The following TNIP3 variants were observed in gnomAD, a reference collection of about 807,000 sequenced individuals.
TNIP3 encodes the protein TNFAIP3-interacting protein 3.
A neutral mutation model predicts 54.1 loss-of-function variants in TNIP3; 34 were observed. That is an observed-to-expected ratio of 0.63 (90% confidence interval 0.48 to 0.84). TNIP3 has a LOEUF of 0.84. Among genes scored for constraint, TNIP3 ranks in the 40% least tolerant of loss-of-function variants. TNIP3 has a pLI of 0.00. For missense variants in TNIP3, 366 were observed against 387.6 expected (o/e 0.94, Z 0.47); for synonymous variants, 134 against 136.8 (o/e 0.98, Z 0.14).
intron 8 of TNIP3, 101 bp downstream of exon 8, chr4:121,142,625 T>G (rs1287447366): frequency 4.7e-6 from 5 of 1,073,746 alleles, no homozygotes; most frequent in Non-Finnish European, 7.0e-6. Flanking sequence ...CATGGGTTGT[T>G]GTAGGTCACC....
chr4:121,213,725 T>A (rs1343014931), intron 2 of TNIP3, among the ~76,000 whole-genome samples: 21 of 118,624 alleles, frequency 1.8e-4, no homozygotes, highest in Non-Finnish European at 1.2e-4. Context: ...AGACTCCGTC[T>A]CAAAAAAAAA....
rs1276187637 is a variant in TNIP3, at chr4:121,213,268, T to C, written c.68+3147A>G. ...TTAATATTAGGTTGAATGACTGCTGTTGTGAATGAATTTAATGCCAGGTAA... is the reference window on the plus strand; with the variant it reads ...TTAATATTAGGTTGAATGACTGCTGCTGTGAATGAATTTAATGCCAGGTAA... On this transcript the variant is annotated intron_variant, in intron 2 of 12. Transcript: ENST00000507879. Among the ~76,000 whole-genome samples, 5 of 152,200 alleles carry C rather than the reference T, an allele frequency of 3.3e-5. No homozygotes were observed. The East Asian group carries it at 5.8e-4, about 18-fold the overall frequency.
intron 10 of TNIP3, among the ~76,000 whole-genome samples, chr4:121,133,582 G>T (rs940201509): frequency 5.9e-5 from 9 of 152,126 alleles, no homozygotes; most frequent in Admixed American, 1.3e-4. Context: ...TTTTCAATTT[G>T]TACAGTGCTC....
chr4:121,227,423 G>C, exon 1 of TNIP3: 1 of 1,531,494 alleles, frequency 6.5e-7, no homozygotes, highest in Non-Finnish European at 8.7e-7. Flanking sequence ...ATCTAGGTAA[G>C]CGTATTACAA....
chr4:121,180,686 C>T (rs1724640577), intron 3 of TNIP3, among the ~76,000 whole-genome samples: 2 of 152,178 alleles, frequency 1.3e-5, no homozygotes, highest in South Asian at 4.2e-4. Flanking sequence ...ATATTTTGAG[C>T]TGGTGAGAGG....
intron 2 of TNIP3, among the ~76,000 whole-genome samples, chr4:121,211,787 A>C (rs943580492): frequency 7.2e-5 from 11 of 152,186 alleles, no homozygotes; most frequent in African/African-American, 2.4e-4. Flanking sequence ...CTTCTGCAAA[A>C]AGAGAGCAAC....
intron 2 of TNIP3, among the ~76,000 whole-genome samples, chr4:121,191,208 G>A (rs1433125204): frequency 1.3e-5 from 2 of 152,148 alleles, no homozygotes; most frequent in Non-Finnish European, 2.9e-5. Flanking sequence ...CAAAGATTTA[G>A]AGAATAGGAA....
At chr4:121,170,534 T>C (rs1291242639) in intron 3 of TNIP3, among the ~76,000 whole-genome samples, 1 of 152,188 alleles carries the variant, frequency 6.6e-6, no homozygotes, top group Non-Finnish European at 1.5e-5. Flanking sequence ...CTTCATCCTA[T>C]TTTGGTTACA....
chr4:121,226,508 C>T (rs1579521102), intron 1 of TNIP3, among the ~76,000 whole-genome samples: 1 of 152,318 alleles, frequency 6.6e-6, no homozygotes, highest in East Asian at 1.9e-4. Context: ...GCATGCAGTG[C>T]CACTTGAAAG....
At chr4:121,154,219 G>A (rs961551171) in intron 5 of TNIP3, 12 of 291,714 alleles carry the variant, frequency 4.1e-5, no homozygotes, top group Middle Eastern at 1.1e-3. Context: ...AAGCTTTTGC[G>A]GTTGACCAAG....
At chr4:121,197,396 C>T (rs779876382) in intron 2 of TNIP3, among the ~76,000 whole-genome samples, 2 of 151,768 alleles carry the variant, frequency 1.3e-5, no homozygotes, top group Non-Finnish European at 2.9e-5. Flanking sequence ...GGCGTGGTGG[C>T]GGGTGCCTGT....
intron 3 of TNIP3, chr4:121,182,577 T>C (rs956254793): frequency 7.3e-7 from 1 of 1,371,702 alleles, no homozygotes; most frequent in Non-Finnish European, 9.8e-7. Context: ...AGTACATGAC[T>C]GACGGTAAAT....
intron 3 of TNIP3, 44 bp from the exon 4 acceptor site, chr4:121,157,287 G>A (rs1284863815): frequency 6.2e-7 from 1 of 1,613,066 alleles, no homozygotes; most frequent in Admixed American, 1.7e-5. Context: ...CTTCTCTGAA[G>A]CTCACAAGCC....
At chr4:121,169,581 C>T (rs1022679914) in intron 3 of TNIP3, among the ~76,000 whole-genome samples, 1 of 152,162 alleles carries the variant, frequency 6.6e-6, no homozygotes, top group African/African-American at 2.4e-5. Context: ...CATTTTAGTG[C>T]CTGTGCGTGT....
intron 6 of TNIP3, among the ~76,000 whole-genome samples, chr4:121,147,972 T>C (rs146370473): frequency 4.6e-5 from 7 of 152,316 alleles, no homozygotes; most frequent in African/African-American, 1.7e-4. Flanking sequence ...GATACACATA[T>C]TACATTTTTA....
intron 1 of TNIP3, among the ~76,000 whole-genome samples, chr4:121,162,023 A>G (rs1002549731): frequency 2.0e-5 from 3 of 152,230 alleles, no homozygotes; most frequent in African/African-American, 7.2e-5. Context: ...AATACAATTT[A>G]TTGGATGATG....
intron 7 of TNIP3, among the ~76,000 whole-genome samples, chr4:121,146,537 T>C (rs1021100561): frequency 6.6e-6 from 1 of 152,208 alleles, no homozygotes; most frequent in Non-Finnish European, 1.5e-5. Context: ...TTTAATATAT[T>C]CTATTTTAAT....
At chr4:121,175,777 A>T (rs1724286310) in intron 3 of TNIP3, among the ~76,000 whole-genome samples, 1 of 152,168 alleles carries the variant, frequency 6.6e-6, no homozygotes, top group South Asian at 2.1e-4. Flanking sequence ...TTTCTGCCCA[A>T]TAGGTGGGTG....
intron 2 of TNIP3, among the ~76,000 whole-genome samples, chr4:121,183,606 C>T (rs1457989901): frequency 6.6e-6 from 1 of 152,228 alleles, no homozygotes; most frequent in Non-Finnish European, 1.5e-5. Context: ...TTTACAGCCC[C>T]TCCCCATGGC....
Sources: gnomAD v4.1 joint callset for allele counts (sites outside exome capture counted in the v4.1 genomes callset) on GRCh38, gnomAD v4.1.1 for gene constraint, MANE v1.5 for transcripts, NCBI Gene and HGNC (gene_info 2026-07-23, HGNC 2026-07-21) for gene names.